ATOSB: variants seen among roughly 807,000 people sequenced by gnomAD.
ATOSB encodes atos homolog protein B.
the ATOSB span, chr9:35,108,448 T>C: frequency 3.6e-6 from 5 of 1,379,496 alleles, no homozygotes; most frequent in Admixed American, 1.0e-4. Flanking sequence ...AGGGGTGACT[T>C]TGATGGGTTC....
the ATOSB span, chr9:35,108,475 A>C: frequency 6.0e-6 from 8 of 1,332,380 alleles, no homozygotes; most frequent in Non-Finnish European, 7.8e-6. Context: ...ATGAATGTGT[A>C]CAAATCCCTG....
chr9:35,104,728 A>G, the ATOSB span: 414 of 279,018 alleles, frequency 1.5e-3, 2 homozygotes, highest in South Asian at 0.012. Flanking sequence ...AGCTGAGGGA[A>G]AGCAGTTCTC....
chr9:35,108,681 G>GAGAT, the ATOSB span: 1 of 1,006,702 alleles, frequency 9.9e-7, no homozygotes, highest in Non-Finnish European at 1.2e-6. Flanking sequence ...ATCCATGCCT[G>GAGAT]CTGCACTGGC....
the ATOSB span, chr9:35,106,558 T>C: frequency 1.1e-5 from 17 of 1,575,368 alleles, no homozygotes; most frequent in South Asian, 2.0e-4. This position sits in a 1 kb window ranked among gnomAD's most constrained non-coding sequence, Gnocchi z 4.6. Context: ...CCCAGCAGGG[T>C]ACGGCTGACA....
chr9:35,114,386 C>G, the ATOSB span, among the ~76,000 whole-genome samples: 108 of 150,044 alleles, frequency 7.2e-4, no homozygotes, highest in South Asian at 1.3e-3. Context: ...GACCCACCCC[C>G]CTCCCCAGCC....
chr9:35,108,243 G>C, the ATOSB span: 9 of 1,570,298 alleles, frequency 5.7e-6, no homozygotes, highest in Non-Finnish European at 7.7e-6. Flanking sequence ...CGGCTCTGAG[G>C]ATGGAGACGG....
chr9:35,108,399 C>T, the ATOSB span: 7 of 1,412,474 alleles, frequency 5.0e-6, no homozygotes, highest in Non-Finnish European at 6.4e-6. Flanking sequence ...AATGAGTCTT[C>T]TTCCTTCCAG....
At chr9:35,105,968 G>A in the ATOSB span, 36 of 1,613,920 alleles carry the variant, frequency 2.2e-5, no homozygotes, top group South Asian at 4.4e-5. This position sits in a 1 kb window ranked among gnomAD's most constrained non-coding sequence, Gnocchi z 5.5. Context: ...CCTTGGGCAC[G>A]CTGTAACCCT....
chr9:35,113,155 C>T, the ATOSB span, among the ~76,000 whole-genome samples: 9 of 152,156 alleles, frequency 5.9e-5, no homozygotes, highest in Admixed American at 1.3e-4. Flanking sequence ...AAAACAGAGA[C>T]GTAGAACACT....
chr9:35,106,982 C>CT, the ATOSB span: 1 of 1,187,746 alleles, frequency 8.4e-7, no homozygotes, highest in African/African-American at 1.5e-5. The surrounding 1 kb of genome is among the most constrained non-coding windows in gnomAD (Gnocchi z 4.6). Context: ...AAGGAACACC[C>CT]TGCCCCCCAG....
the ATOSB span, among the ~76,000 whole-genome samples, chr9:35,116,064 CT>C: frequency 6.6e-6 from 1 of 152,022 alleles, no homozygotes; most frequent in Non-Finnish European, 1.5e-5. Context: ...TTCGCGTTTT[CT>C]TTGCATTTCC....
the ATOSB span, chr9:35,105,714 G>A: frequency 6.2e-7 from 1 of 1,613,942 alleles, no homozygotes; most frequent in Non-Finnish European, 8.5e-7. This position sits in a 1 kb window ranked among gnomAD's most constrained non-coding sequence, Gnocchi z 5.5. Context: ...GGAGGCGGTG[G>A]GTGGGGTTAG....
the ATOSB span, chr9:35,107,005 A>C: frequency 1.1e-6 from 1 of 914,364 alleles, no homozygotes; most frequent in East Asian, 2.7e-5. Flanking sequence ...CTCCACCTTT[A>C]CCCACACAAA....
At chr9:35,112,596 T>G in the ATOSB span, among the ~76,000 whole-genome samples, 1 of 152,222 alleles carries the variant, frequency 6.6e-6, no homozygotes, top group African/African-American at 2.4e-5. Flanking sequence ...GGATTGAGCA[T>G]TCAAAGACAC....
chr9:35,105,867 G>A, the ATOSB span: 2 of 1,614,096 alleles, frequency 1.2e-6, no homozygotes, highest in Non-Finnish European at 1.7e-6. The surrounding 1 kb of genome is among the most constrained non-coding windows in gnomAD (Gnocchi z 5.5). Flanking sequence ...TCTAGGGACA[G>A]GACAGTCAAG....
the ATOSB span, among the ~76,000 whole-genome samples, chr9:35,111,949 C>A: frequency 1.3e-5 from 2 of 152,178 alleles, no homozygotes; most frequent in Non-Finnish European, 2.9e-5. Context: ...ATAGGAAGCC[C>A]GAGGGCTTTA....
At chr9:35,104,655 G>C in the ATOSB span, 812 of 417,248 alleles carry the variant, frequency 1.9e-3, 11 homozygotes, top group African/African-American at 0.016. Context: ...GACTGGGGAA[G>C]GACAGGGGAA....
At chr9:35,108,839 A>C in the ATOSB span, 3 of 238,102 alleles carry the variant, frequency 1.3e-5, no homozygotes, top group Non-Finnish European at 2.0e-5. Flanking sequence ...TCCTTCTCCC[A>C]TGTGAGAGGC....
At chr9:35,105,312 C>T in the ATOSB span, 35 of 1,613,980 alleles carry the variant, frequency 2.2e-5, no homozygotes, top group Admixed American at 3.3e-5. The surrounding 1 kb of genome is among the most constrained non-coding windows in gnomAD (Gnocchi z 5.5). Context: ...CAGGCTCCGG[C>T]GGGAAAAAAG....
Sources: allele counts gnomAD v4.1 joint callset (sites outside exome capture counted in the v4.1 genomes callset), GRCh38; gene constraint gnomAD v4.1.1; non-coding constraint Gnocchi (gnomAD v3.1); transcripts MANE v1.5; gene names NCBI Gene and HGNC (gene_info 2026-07-23, HGNC 2026-07-21).